Variants in ETV3 observed in about 807,000 individuals in gnomAD.
ETV3 encodes ETS translocation variant 3.
In ETV3, 8 loss-of-function variants were observed where a neutral mutation model predicts 33.0. The ratio of observed to expected loss-of-function variants is 0.24; its 90% CI spans 0.14 to 0.44. The LOEUF (loss-of-function observed/expected upper bound fraction) is 0.44. ETV3 is among the 20% of genes least tolerant of loss of function. The probability of loss-of-function intolerance (pLI) is 1.00; values close to 1 mark genes in which losing one functional copy is unlikely to be tolerated. For missense variants in ETV3, 473 were observed against 652.3 expected (o/e 0.73, Z 2.99); for synonymous variants, 222 against 238.9 (o/e 0.93, Z 0.65).
chr1:157,121,765 T>C lies in ETV3; in HGVS notation c.*3076A>G, dbSNP rs1001638476. 3 of 152,136 alleles carry C rather than the reference T, an allele frequency of 2.0e-5. No homozygotes were observed. Among genetic ancestry groups the C allele is most frequent in the Non-Finnish European group, 2.9e-5 (2 of 68,030 alleles). The allele number at this position is 152,136 out of a possible 1,614,324, so 9.4% of individuals were successfully genotyped here. On this transcript the variant is annotated 3_prime_UTR_variant, in exon 5 of 5. Coordinates refer to ENST00000368192, the MANE Select transcript of ETV3 (RefSeq NM_001145312.3). ...ACCCACTTGGTGAGAAGTGATATAC[T>C]TCAACTATTTTTTTAATGCTTCTGA...
At position 157,125,804 on chromosome 1, in the gene ETV3, T is replaced by C; in HGVS notation, c.576A>G (p.Ser192=). The change falls in exon 5 of 5, where the codon TCA becomes TCG. Residue 192 remains serine, a synonymous_variant. Transcript: ENST00000368192. The surrounding 1 kb of genome is among the most constrained non-coding windows in gnomAD (Gnocchi z 4.0). The part of the protein sequence containing the change: ...SNGTDRKTEL[S]ELEDGSAADW... ...CAGCAGCTGAGCCATCCTCCAGCTCTGAAAGCTCAGTCTTTCTATCAGTAC... is the reference window on the plus strand; with the variant it reads ...CAGCAGCTGAGCCATCCTCCAGCTCCGAAAGCTCAGTCTTTCTATCAGTAC... 3.9e-6 allele frequency: 6 copies of C among 1,551,716 alleles called. No individual in the cohort carries two copies. The South Asian group carries it at 4.8e-5, about 12-fold the overall frequency.
At chr1:157,129,521 TTAAGA>T (rs1366800250) in intron 4 of ETV3, among the ~76,000 whole-genome samples, 2 of 152,144 alleles carry the variant, frequency 1.3e-5, no homozygotes, top group Non-Finnish European at 2.9e-5. Context: ...ATTATAAGAC[TTAAGA>T]TAATTAAAAA....
rs1256081723 is a variant in ETV3 at position 157,125,182 on chromosome 1, T to C, written c.1198A>G (p.Lys400Glu). ...CCCTCTTCTTGAGTGTGCTCCTCCT[T>C]CTCTCGTGCCGACTGCCTGAGGCTC... ...PESLRQSARE[K>E]EEHTQEEGTV... Residue 400 changes from lysine to glutamate, a missense_variant, in exon 5 of 5, where the codon AAG becomes GAG. Around this residue, in one of 3 missense-constraint regions of ETV3, gnomAD observed 410 missense variants for 520.2 expected, o/e 0.79. Transcript: ENST00000368192. This position sits in a 1 kb window ranked among gnomAD's most constrained non-coding sequence, Gnocchi z 4.0. 6.4e-7 allele frequency: 1 copy of C among 1,552,112 alleles called. No individual in the cohort carries two copies. The highest frequency in any genetic ancestry group is 8.7e-7 in the Non-Finnish European group (1 of 1,147,060).
chr1:157,129,490 CAA>C (rs1302988488), intron 4 of ETV3, among the ~76,000 whole-genome samples: 1 of 151,904 alleles, frequency 6.6e-6, no homozygotes, highest in Non-Finnish European at 1.5e-5. Context: ...GAAATATAAA[CAA>C]ATTTAAAAAT....
At chr1:157,127,132 A>G (rs1674860935) in intron 4 of ETV3, among the ~76,000 whole-genome samples, 1 of 152,270 alleles carries the variant, frequency 6.6e-6, no homozygotes. Flanking sequence ...TAAAAAGCAA[A>G]CAAACCAAAC....
intron 4 of ETV3, chr1:157,128,476 G>A (rs537133387): frequency 8.7e-5 from 27 of 308,898 alleles, no homozygotes; most frequent in African/African-American, 5.7e-4. Flanking sequence ...CTCTTTGGGT[G>A]GAAGACAGGT....
At chr1:157,133,365 A>G in intron 4 of ETV3, 1 of 983,636 alleles carries the variant, frequency 1.0e-6, no homozygotes, top group Non-Finnish European at 1.2e-6. Flanking sequence ...TATACTGCTC[A>G]GATAAGGGGA....
In ETV3 at chr1:157,124,566, A is replaced by G. The variant is rs1674779510; in HGVS notation, c.*275T>C. ...GGCCCTTTGGGAGTTTCCTTGTCAG[A>G]AAGTATAAGCCTCAACAGGAAATAG... On this transcript the variant is annotated 3_prime_UTR_variant, in exon 5 of 5. Coordinates refer to ENST00000368192, the MANE Select transcript of ETV3 (RefSeq NM_001145312.3). 2 of 302,094 alleles carry G rather than the reference A, an allele frequency of 6.6e-6. No individual in the cohort carries two copies. Among genetic ancestry groups the G allele is most frequent in the Non-Finnish European group, 6.1e-6 (1 of 165,280 alleles). 18.7% of individuals were successfully genotyped at this position (302,094 alleles called of 1,614,324 possible).
chr1:157,125,108 G>A lies in ETV3; in HGVS notation c.1272C>T (p.Ala424=), dbSNP rs1056341464. ...GCCAGATGGGTGGTGCAGCAGGACG[G>A]GCAAAGATGGTGCCTTTTTCCTCTT... The part of the protein sequence containing the change: ...TIEEEKGTIF[A]RPAAPPIWPS... Residue 424 remains alanine, a synonymous_variant, in exon 5 of 5, where the codon GCC becomes GCT. Coordinates refer to ENST00000368192, the MANE Select transcript of ETV3 (RefSeq NM_001145312.3). The surrounding 1 kb of genome is among the most constrained non-coding windows in gnomAD (Gnocchi z 4.0). 9 of 1,545,742 alleles carry A rather than the reference G, an allele frequency of 5.8e-6. No homozygotes were observed. Among genetic ancestry groups the A allele is most frequent in the African/African-American group, 2.7e-5 (2 of 72,796 alleles).
intron 1 of ETV3, among the ~76,000 whole-genome samples, chr1:157,137,619 T>C (rs1052638877): frequency 6.7e-6 from 1 of 150,264 alleles, no homozygotes; most frequent in Non-Finnish European, 1.5e-5. Context: ...TTAGTGACAA[T>C]GAGGGAGGAA....
At chr1:157,135,329 T>C in intron 3 of ETV3, 142 bp downstream of exon 3, 1 of 1,014,750 alleles carries the variant, frequency 9.9e-7, no homozygotes, top group South Asian at 1.6e-5. Context: ...CAACAGCTCT[T>C]CTACTCCCAC....
At chr1:157,133,366 G>C in intron 4 of ETV3, 1 of 984,084 alleles carries the variant, frequency 1.0e-6, no homozygotes, top group Non-Finnish European at 1.2e-6. Context: ...ATACTGCTCA[G>C]ATAAGGGGAA....
chr1:157,137,229 G>A (rs1356751221), intron 1 of ETV3, among the ~76,000 whole-genome samples: 1 of 151,822 alleles, frequency 6.6e-6, no homozygotes, highest in Non-Finnish European at 1.5e-5. Flanking sequence ...AACTGCCAGA[G>A]GGACATGGAG....
chr1:157,132,617 G>C (rs1430007235), intron 4 of ETV3, among the ~76,000 whole-genome samples: 1 of 152,156 alleles, frequency 6.6e-6, no homozygotes, highest in Non-Finnish European at 1.5e-5. Context: ...GGCATACAAG[G>C]AAGGGGCAAG....
At position 157,121,192 on chromosome 1, in the gene ETV3, TACTTA is replaced by T. The variant is rs1234259413; in HGVS notation, c.*3644_*3648del. On this transcript the variant is annotated 3_prime_UTR_variant, in exon 5 of 5. Transcript: ENST00000368192. ...AACAAAACCAACTCTCAGCAAACAT[TACTTA>T]AAAGTATTTTTTTATTTAATTTCTG... 1 of 152,144 alleles carries T rather than the reference TACTTA, an allele frequency of 6.6e-6. No individual in the cohort carries two copies. Among genetic ancestry groups the T allele is most frequent in the African/African-American group, 2.4e-5 (1 of 41,426 alleles). 9.4% of individuals were successfully genotyped at this position (152,144 alleles called of 1,614,324 possible).
chr1:157,128,965 C>A (rs1287874086), intron 4 of ETV3, among the ~76,000 whole-genome samples: 3 of 152,162 alleles, frequency 2.0e-5, no homozygotes, highest in Non-Finnish European at 4.4e-5. Context: ...ATGATGAATG[C>A]CATCTTAAAA....
chr1:157,134,934 A>T (rs1406903956), intron 3 of ETV3, among the ~76,000 whole-genome samples: 2 of 152,224 alleles, frequency 1.3e-5, no homozygotes, highest in Non-Finnish European at 2.9e-5. Flanking sequence ...AAGACCGACA[A>T]GGGGAAAAAA....
At position 157,134,234 on chromosome 1, in the gene ETV3, A is replaced by T; in HGVS notation, c.285-7T>A. The T allele has an allele frequency of 3.1e-6, 5 of 1,611,244 alleles. No homozygotes were observed. Among genetic ancestry groups the T allele is most frequent in the Non-Finnish European group, 4.2e-6 (5 of 1,179,232 alleles). On this transcript the variant is annotated splice_region_variant and splice_polypyrimidine_tract_variant and intron_variant, in intron 3 of 4. Transcript: ENST00000368192. ...CCTCTTGTTGTAATAGTATCTGTAA[A>T]AACAGGAATACATGTCCATTCGTCT...
intron 3 of ETV3, among the ~76,000 whole-genome samples, chr1:157,134,598 G>A (rs140012542): frequency 4.1e-4 from 62 of 152,306 alleles, no homozygotes; most frequent in Non-Finnish European, 6.9e-4. Context: ...TCTTGCCCAG[G>A]TGGGGGCAGA....
Sources: gnomAD v4.1 joint callset for allele counts (sites outside exome capture counted in the v4.1 genomes callset) on GRCh38, gnomAD v4.1.1 for gene constraint, gnomAD v4.1.1 regional missense constraint, Gnocchi (gnomAD v3.1) non-coding constraint, MANE v1.5 for transcripts, NCBI Gene and HGNC (gene_info 2026-07-23, HGNC 2026-07-21) for gene names.